The following BMPR1B variants were observed in gnomAD, a reference collection of about 807,000 sequenced individuals.
BMPR1B encodes the protein bone morphogenetic protein receptor type 1B, also known as bone morphogenetic protein receptor type-1B.
In BMPR1B, 12 loss-of-function variants were observed where a neutral mutation model predicts 59.1. The observed-to-expected ratio is 0.20, with a 90% CI of 0.13 to 0.33. The LOEUF (loss-of-function observed/expected upper bound fraction) is 0.33. Among genes scored for constraint, BMPR1B ranks in the 10% least tolerant of loss-of-function variants. The pLI is 1.00. For missense variants in BMPR1B, 550 were observed against 610.9 expected (o/e 0.90, Z 1.05); for synonymous variants, 237 against 207.3 (o/e 1.14, Z -1.23).
intron 10 of BMPR1B, among the ~76,000 whole-genome samples, chr4:95,139,237 C>T (rs1428834141): frequency 6.6e-6 from 1 of 152,204 alleles, no homozygotes; most frequent in African/African-American, 2.4e-5. Flanking sequence ...GCAAATATTG[C>T]AGAACGGCAA....
chr4:94,823,140 A>G (rs1260651201), intron 1 of BMPR1B, among the ~76,000 whole-genome samples: 1 of 152,216 alleles, frequency 6.6e-6, no homozygotes, highest in East Asian at 1.9e-4. Flanking sequence ...TAGTTGAAAT[A>G]TATTGAAATC....
In BMPR1B at chr4:95,086,748, C is replaced by G. The variant is rs544903754; in HGVS notation, c.-17-17660C>G. ...CTTCAGGGAGCATTTGTAATGCCCA[C>G]AAGAATGTGTCGGTAGAGAGATCAG... is the stretch of plus-strand genomic sequence containing the variant. On this transcript the variant is annotated intron_variant, in intron 3 of 12. Transcript: ENST00000515059. 2.6e-4 allele frequency among the ~76,000 whole-genome samples: 39 copies of G among 151,892 alleles called. No homozygotes were observed. In the East Asian group the frequency reaches 6.2e-3, roughly 24 times the overall value.
intron 1 of BMPR1B, among the ~76,000 whole-genome samples, chr4:94,874,145 A>G (rs561284074): frequency 1.1e-4 from 17 of 152,288 alleles, no homozygotes; most frequent in African/African-American, 3.9e-4. Context: ...GTGTGTATAT[A>G]TATGTGTATG....
chr4:95,081,637 TTTAAATTTATCA>T (rs1470946505), intron 3 of BMPR1B, among the ~76,000 whole-genome samples: 11 of 152,316 alleles, frequency 7.2e-5, no homozygotes, highest in African/African-American at 2.6e-4. Flanking sequence ...GGACAGTAGG[TTTAAATTTATCA>T]GAATATGAAA....
chr4:94,875,484 A>G (rs1192700323), intron 1 of BMPR1B, among the ~76,000 whole-genome samples: 1 of 152,180 alleles, frequency 6.6e-6, no homozygotes, highest in African/African-American at 2.4e-5. Context: ...GGAGATTGAG[A>G]CCATCCTGGC....
intron 12 of BMPR1B, among the ~76,000 whole-genome samples, chr4:95,154,060 C>T (rs1451254116): frequency 6.6e-6 from 1 of 152,084 alleles, no homozygotes; most frequent in Non-Finnish European, 1.5e-5. Flanking sequence ...ATAGGAAGAC[C>T]AATAATTGAT....
intron 3 of BMPR1B, among the ~76,000 whole-genome samples, chr4:95,065,291 C>T (rs990184636): frequency 2.2e-4 from 34 of 152,014 alleles, no homozygotes; most frequent in Non-Finnish European, 5.9e-5. Flanking sequence ...TCCAGAGAGG[C>T]GTGGGGGCAT....
At chr4:94,851,913 A>G (rs540870749) in intron 1 of BMPR1B, among the ~76,000 whole-genome samples, 1 of 152,298 alleles carries the variant, frequency 6.6e-6, no homozygotes, top group East Asian at 1.9e-4. Flanking sequence ...TGTCCTGTAC[A>G]TCTTCGTACA....
chr4:94,928,570 G>A (rs932971162), intron 2 of BMPR1B, among the ~76,000 whole-genome samples: 1 of 150,972 alleles, frequency 6.6e-6, no homozygotes, highest in African/African-American at 2.4e-5. Flanking sequence ...TAAGTGGAAG[G>A]CTGGGTTGTT....
At chr4:95,116,764 C>T (rs1319986540) in intron 6 of BMPR1B, among the ~76,000 whole-genome samples, 1 of 151,828 alleles carries the variant, frequency 6.6e-6, no homozygotes, top group East Asian at 1.9e-4. Context: ...CAGGTGCACA[C>T]CACCACACCC....
At chr4:94,903,275 T>C (rs903216091) in intron 2 of BMPR1B, among the ~76,000 whole-genome samples, 3 of 151,964 alleles carry the variant, frequency 2.0e-5, no homozygotes, top group African/African-American at 7.2e-5. Context: ...CCCCCTTTTT[T>C]ATCCCCGAGT....
At chr4:94,835,511 G>A (rs1724771289) in intron 1 of BMPR1B, among the ~76,000 whole-genome samples, 1 of 152,136 alleles carries the variant, frequency 6.6e-6, no homozygotes, top group Admixed American at 6.6e-5. Flanking sequence ...CTTAACAAGT[G>A]TTCAGGATCG....
intron 6 of BMPR1B, among the ~76,000 whole-genome samples, chr4:95,118,634 A>C (rs775521001): frequency 5.9e-5 from 9 of 152,118 alleles, no homozygotes; most frequent in Non-Finnish European, 1.2e-4. Flanking sequence ...GCAGGTAGAA[A>C]TCTGCTGTCC....
chr4:94,862,155 T>A (rs541680330), intron 1 of BMPR1B, among the ~76,000 whole-genome samples: 1 of 151,888 alleles, frequency 6.6e-6, no homozygotes, highest in Non-Finnish European at 1.5e-5. Context: ...ACTGTTTTTT[T>A]TTGTTGTTTT....
intron 1 of BMPR1B, among the ~76,000 whole-genome samples, chr4:94,811,500 A>G (rs1038948589): frequency 6.6e-6 from 1 of 152,198 alleles, no homozygotes; most frequent in Non-Finnish European, 1.5e-5. Context: ...ATCAGCTGCA[A>G]TTCAGTCTTC....
chr4:94,781,585 T>A (rs1404356660), intron 1 of BMPR1B, among the ~76,000 whole-genome samples: 1 of 152,208 alleles, frequency 6.6e-6, no homozygotes, highest in East Asian at 1.9e-4. Flanking sequence ...CTAATTTTTG[T>A]ATTTTTAGTA....
intron 3 of BMPR1B, among the ~76,000 whole-genome samples, chr4:95,055,365 C>T (rs143173727): frequency 1.3e-3 from 201 of 152,082 alleles, no homozygotes; most frequent in African/African-American, 4.5e-3. Flanking sequence ...GGTAGTTTCA[C>T]AATTAGAATG....
At chr4:94,884,368 A>G (rs899511972) in intron 2 of BMPR1B, among the ~76,000 whole-genome samples, 3 of 152,140 alleles carry the variant, frequency 2.0e-5, no homozygotes, top group African/African-American at 7.2e-5. Flanking sequence ...TGTCCTTAAA[A>G]TACAAAAATT....
At chr4:95,029,926 G>C (rs561913755) in intron 3 of BMPR1B, among the ~76,000 whole-genome samples, 1,697 of 152,190 alleles carry the variant, frequency 0.011, 20 homozygotes, top group African/African-American at 0.038. Flanking sequence ...TTTGAGAAGT[G>C]TCTGTTCATA....
Sources: gnomAD v4.1 joint callset for allele counts (sites outside exome capture counted in the v4.1 genomes callset) on GRCh38, gnomAD v4.1.1 for gene constraint, MANE v1.5 for transcripts, NCBI Gene and HGNC (gene_info 2026-07-23, HGNC 2026-07-21) for gene names.